DAB1: variants seen among roughly 807,000 people sequenced by gnomAD.
The protein encoded by DAB1 is DAB adaptor protein 1, also known as disabled homolog 1.
Under a neutral mutation model 64.6 loss-of-function variants are expected in DAB1, and 15 were observed. The observed-to-expected ratio is 0.23, with a 90% CI of 0.16 to 0.36. The LOEUF (loss-of-function observed/expected upper bound fraction) is 0.36, where lower values mean the gene tolerates loss of function less well. DAB1 is among the 10% of genes least tolerant of loss of function. The pLI, the probability that DAB1 is intolerant of heterozygous loss-of-function variation, is 1.00. For synonymous variants in DAB1, 235 were observed against 251.9 expected, an observed-to-expected ratio of 0.93 and a Z score of 0.64; for missense variants, 596 against 706.7, an observed-to-expected ratio of 0.84 and a Z score of 1.78.
At chr1:58,023,216 A>T (rs960254489) in intron 5 of DAB1, among the ~76,000 whole-genome samples, 2 of 152,100 alleles carry the variant, frequency 1.3e-5, no homozygotes, top group African/African-American at 2.4e-5. Context: ...AATACCCCCA[A>T]ATATAAAATA....
intron 5 of DAB1, among the ~76,000 whole-genome samples, chr1:58,041,110 C>T (rs981660617): frequency 6.6e-6 from 1 of 152,146 alleles, no homozygotes; most frequent in African/African-American, 2.4e-5. Context: ...TTTCCAAACC[C>T]AACTCCTTCT....
chr1:57,134,735 C>T (rs1657935064), intron 4 of DAB1, among the ~76,000 whole-genome samples: 1 of 152,114 alleles, frequency 6.6e-6, no homozygotes, highest in African/African-American at 2.4e-5. Flanking sequence ...AGATAATAGG[C>T]ATCATTGTTA....
chr1:57,771,839 G>T (rs1237300856), intron 6 of DAB1, among the ~76,000 whole-genome samples: 1 of 152,106 alleles, frequency 6.6e-6, no homozygotes, highest in African/African-American at 2.4e-5. Flanking sequence ...TACATGTAAT[G>T]ATTATACCTA....
chr1:57,955,063 TTA>T (rs1199390472), intron 5 of DAB1, among the ~76,000 whole-genome samples: 1 of 152,220 alleles, frequency 6.6e-6, no homozygotes. Flanking sequence ...GGATCTTGGC[TTA>T]TATCCACACC....
At chr1:57,479,033 AT>A (rs1400967473) in intron 7 of DAB1, among the ~76,000 whole-genome samples, 1 of 152,046 alleles carries the variant, frequency 6.6e-6, no homozygotes, top group African/African-American at 2.4e-5. Flanking sequence ...GTTAATTCAG[AT>A]TGTACTTGTT....
At chr1:57,782,521 G>T (rs1175199101) in intron 6 of DAB1, among the ~76,000 whole-genome samples, 1 of 152,122 alleles carries the variant, frequency 6.6e-6, no homozygotes, top group East Asian at 1.9e-4. Flanking sequence ...TAGATATTAT[G>T]TTATCATCTA....
At chr1:58,430,855 G>A (rs1057170262) in intron 3 of DAB1, among the ~76,000 whole-genome samples, 1 of 152,170 alleles carries the variant, frequency 6.6e-6, no homozygotes, top group African/African-American at 2.4e-5. Context: ...CTAAACCTGT[G>A]GCTCAGTGTG....
intron 1 of DAB1, among the ~76,000 whole-genome samples, chr1:58,533,701 C>T (rs1388981): frequency 0.58 from 88,229 of 151,942 alleles, 27,911 homozygotes; most frequent in East Asian, 0.82. Context: ...AGAATAATTA[C>T]GTTTTAGCAA....
Position 58,105,538 on chromosome 1 carries a change from T to C in DAB1, n.387+44973A>G, listed in dbSNP as rs1042720986. Among the ~76,000 whole-genome samples the C allele has an allele frequency of 1.2e-4, 19 of 152,202 alleles. 1 individual carries two copies. Among genetic ancestry groups the C allele is most frequent in the African/African-American group, 3.4e-4 (14 of 41,450 alleles). On this transcript the variant is annotated intron_variant and non_coding_transcript_variant, in intron 5 of 20. Coordinates refer to the DAB1 transcript ENST00000485760. ...GGGTTCTAGTCTTGAATTGGCCCCC[T>C]ACTATCGATGCAAACATGAGGAGTT... is the stretch of plus-strand genomic sequence containing the variant.
chr1:57,831,986 G>T (rs1350385774), intron 1 of DAB1, among the ~76,000 whole-genome samples: 1 of 152,148 alleles, frequency 6.6e-6, no homozygotes, highest in Non-Finnish European at 1.5e-5. Flanking sequence ...CAGTGGAGAA[G>T]ACACATGCTA....
intron 5 of DAB1, among the ~76,000 whole-genome samples, chr1:57,955,517 CTG>C (rs1318669190): frequency 1.1e-5 from 1 of 93,586 alleles, no homozygotes; most frequent in Non-Finnish European, 2.4e-5. Flanking sequence ...GTCGATGACT[CTG>C]AGGATGGAAT....
chr1:58,372,575 T>C (rs960936702), intron 3 of DAB1, among the ~76,000 whole-genome samples: 1 of 152,122 alleles, frequency 6.6e-6, no homozygotes, highest in Non-Finnish European at 1.5e-5. Context: ...GAAAAGGACA[T>C]GAGATTTGGA....
chr1:58,335,506 G>A (rs1249638822), intron 4 of DAB1, among the ~76,000 whole-genome samples: 7 of 150,460 alleles, frequency 4.7e-5, no homozygotes. Context: ...TGCACAACTC[G>A]GTGCTCCACA....
intron 3 of DAB1, among the ~76,000 whole-genome samples, chr1:58,360,350 G>A (rs1284394439): frequency 6.6e-6 from 1 of 152,178 alleles, no homozygotes; most frequent in East Asian, 1.9e-4. Context: ...TGTGGGAACA[G>A]CAAGCTGTTT....
intron 3 of DAB1, among the ~76,000 whole-genome samples, chr1:58,425,215 C>G (rs1273124921): frequency 1.3e-5 from 2 of 152,154 alleles, no homozygotes; most frequent in Non-Finnish European, 2.9e-5. Flanking sequence ...GTCCAGAGAG[C>G]CTCTTTCATT....
chr1:57,764,220 T>G (rs1649210068), intron 6 of DAB1, among the ~76,000 whole-genome samples: 1 of 152,202 alleles, frequency 6.6e-6, no homozygotes, highest in South Asian at 2.1e-4. Flanking sequence ...GGCCATGAAT[T>G]CAGGTCTTAG....
At chr1:58,187,655 C>T (rs1374233938) in intron 4 of DAB1, among the ~76,000 whole-genome samples, 3 of 151,184 alleles carry the variant, frequency 2.0e-5, no homozygotes, top group Admixed American at 2.0e-4. Flanking sequence ...TCTTAGCTCA[C>T]TGCAACCTTC....
chr1:58,131,946 C>T (rs998734932), intron 5 of DAB1, among the ~76,000 whole-genome samples: 14 of 151,612 alleles, frequency 9.2e-5, no homozygotes, highest in African/African-American at 3.2e-4. Context: ...GTGGTGCCTA[C>T]AGAGGCAGGC....
At chr1:57,889,677 T>C (rs1047531020) in intron 5 of DAB1, among the ~76,000 whole-genome samples, 2 of 152,156 alleles carry the variant, frequency 1.3e-5, no homozygotes, top group African/African-American at 4.8e-5. Flanking sequence ...GACAGGCCTC[T>C]GAGAAGAGCC....
Sources: allele counts gnomAD v4.1 joint callset (sites outside exome capture counted in the v4.1 genomes callset), GRCh38; gene constraint gnomAD v4.1.1; transcripts MANE v1.5; gene names NCBI Gene and HGNC (gene_info 2026-07-23, HGNC 2026-07-21).